Variants in ZNF662 observed in about 807,000 individuals in gnomAD.
The protein encoded by ZNF662 is zinc finger protein 662.
A neutral mutation model predicts 12.4 loss-of-function variants in ZNF662; 14 were observed. That is an observed-to-expected ratio of 1.13 (90% CI 0.75 to 1.77). ZNF662 has a LOEUF of 1.77. ZNF662 is among the 40% of genes most tolerant of loss of function. The probability of loss-of-function intolerance (pLI) is 0.00; values close to 1 mark genes in which losing one functional copy is unlikely to be tolerated. For missense variants in ZNF662, 550 were observed against 515.6 expected (o/e 1.07, Z -0.65); for synonymous variants, 184 against 176.4 (o/e 1.04, Z -0.34).
rs1021978081 is a variant in ZNF662, at chr3:42,918,760, G to A, written c.*3406G>A. Among the ~76,000 whole-genome samples the A allele has an allele frequency of 6.6e-6, 1 of 152,212 alleles. No individual in the cohort carries two copies. The highest frequency in any genetic ancestry group is 1.5e-5 in the Non-Finnish European group (1 of 68,046). ...CCTATCTAAGGGTCCCTGGTAAAAG[G>A]TGGCCATCATTTGAGGTTCCAATTG... is the stretch of plus-strand genomic sequence containing the variant. On this transcript the variant is annotated 3_prime_UTR_variant, in exon 5 of 5. Transcript: ENST00000440367.
At chr3:42,912,549 A>AAT (rs2088818960) in intron 3 of ZNF662, among the ~76,000 whole-genome samples, 1 of 8,088 alleles carries the variant, frequency 1.2e-4, no homozygotes, top group Non-Finnish European at 4.4e-4. Flanking sequence ...TTATATATTT[A>AAT]ATATAAATAT....
intron 3 of ZNF662, chr3:42,911,951 G>A (rs1276251159): frequency 2.6e-5 from 4 of 151,966 alleles, no homozygotes. Context: ...AAGTCCTCAT[G>A]AATAACTATT....
rs2088872559 is a variant in ZNF662, at chr3:42,914,351, A to G, written c.278A>G (p.Glu93Gly). Residue 93 changes from glutamate to glycine, a missense_variant, in exon 5 of 5, where the codon GAA (glutamate) becomes GGA (glycine). Transcript: ENST00000440367. The stretch of plus-strand genomic sequence containing the variant: ...GAGGGTGTGTTGAAGAGGAAGAAAG[A>G]AGATTTTATTCTGAAGGAGGAAATT... ...CPEGVLKRKKEDFILKEEIIE... is the reference protein window; with the variant it reads ...CPEGVLKRKKGDFILKEEIIE... 6.2e-7 allele frequency: 1 copy of G among 1,602,382 alleles called. No individual in the cohort carries two copies. Among genetic ancestry groups the G allele is most frequent in the Admixed American group, 1.8e-5 (1 of 57,112 alleles).
rs574140116 is a variant in ZNF662, at chr3:42,908,363, T to C, written c.34+215T>C. On this transcript the variant is annotated intron_variant, in intron 2 of 4. Coordinates refer to ENST00000440367, the MANE Select transcript of ZNF662 (RefSeq NM_207404.4). ...GACTTCCTTGCTCCAGAGTGAGAGG[T>C]GCCAAACCCCTACCCTTGTGTTGTG... is the stretch of plus-strand genomic sequence containing the variant. 72 of 1,349,044 alleles carry C rather than the reference T, an allele frequency of 5.3e-5. No homozygotes were observed. The South Asian group carries it at 1.5e-3, about 28-fold the overall frequency. 83.6% of individuals were successfully genotyped at this position (1,349,044 alleles called of 1,614,324 possible). A position where few individuals can be genotyped will look rare whatever the true frequency, so the allele number is the denominator to read the frequency against.
At chr3:42,908,659 A>C in intron 2 of ZNF662, 134 bp from the exon 3 acceptor site, 5 of 1,462,776 alleles carry the variant, frequency 3.4e-6, no homozygotes, top group Non-Finnish European at 2.7e-6. Context: ...TTCCCCTGGA[A>C]TTCCTTTTCT....
chr3:42,907,888 A>T, intron 1 of ZNF662, 134 bp from the exon 2 acceptor site: 2 of 1,398,012 alleles, frequency 1.4e-6, no homozygotes, highest in Non-Finnish European at 1.9e-6. Context: ...TCTTCTGCTG[A>T]TAGAGTTCCT....
At position 42,917,374 on chromosome 3, in the gene ZNF662, A is replaced by T; in HGVS notation, c.*2020A>T. On this transcript the variant is annotated 3_prime_UTR_variant, in exon 5 of 5. Transcript: ENST00000440367. The stretch of plus-strand genomic sequence containing the variant: ...TTCATCGAGAGCTACCAGAGGAGAT[A>T]TTATCTGTCCTCTGTGTGGCACATA... 4.8e-6 allele frequency: 3 copies of T among 619,338 alleles called. No individual in the cohort carries two copies. In the South Asian group the frequency reaches 5.9e-5, roughly 12 times the overall value. The allele number at this position is 619,338 out of a possible 1,614,324, so 38.4% of individuals were successfully genotyped here.
rs1428894080 is a variant in ZNF662 at position 42,914,997 on chromosome 3, A to C, written c.924A>C (p.Glu308Asp). 1.9e-6 allele frequency: 3 copies of C among 1,614,064 alleles called. No individual in the cohort carries two copies. Among genetic ancestry groups the C allele is most frequent in the Admixed American group, 1.7e-5 (1 of 60,014 alleles). ...GTGAGAAACCATACACATGTAAGGAATGTGGGAAAAGCTTTACTCGAAACC... is the reference window on the plus strand; with the variant it reads ...GTGAGAAACCATACACATGTAAGGACTGTGGGAAAAGCTTTACTCGAAACC... ...HTGEKPYTCK[E>D]CGKSFTRNPA... Residue 308 changes from glutamate to aspartate, a missense_variant, in exon 5 of 5, where the codon GAA (glutamate) becomes GAC (aspartate). Physicochemically the swap from Glu to Asp is conservative, Grantham distance 45. Transcript: ENST00000440367.
rs141996692 is a variant in ZNF662 at position 42,907,174 on chromosome 3, T to C, written c.-93-848T>C. Among the ~76,000 whole-genome samples, 557 of 147,968 alleles carry C rather than the reference T, an allele frequency of 3.8e-3. 6 individuals carry two copies. The highest frequency in any genetic ancestry group is 0.013 in the African/African-American group (543 of 40,584). ...GCTGGAGGTCAGCAGTATTTGTTTC[T>C]TAAGAGGATGAGAGAAAGAAGGTGC... is the stretch of plus-strand genomic sequence containing the variant. On this transcript the variant is annotated intron_variant, in intron 1 of 4. Coordinates refer to ENST00000440367, the MANE Select transcript of ZNF662 (RefSeq NM_207404.4).
chr3:42,906,355 G>C lies in ZNF662; in HGVS notation c.-94+187G>C. ...TTCCCAGAGGGCGACCTGGGCTATG[G>C]CGGCCGTGGCGCTGGCGAGCGGGAC... On this transcript the variant is annotated intron_variant, in intron 1 of 4. Coordinates refer to ENST00000440367, the MANE Select transcript of ZNF662 (RefSeq NM_207404.4). This position sits in a 1 kb window ranked among gnomAD's most constrained non-coding sequence, Gnocchi z 4.4. The C allele has an allele frequency of 2.0e-6, 3 of 1,528,756 alleles. No individual in the cohort carries two copies. Among genetic ancestry groups the C allele is most frequent in the Non-Finnish European group, 2.6e-6 (3 of 1,142,584 alleles). The allele number at this position is 1,528,756 out of a possible 1,614,324, so 94.7% of individuals were successfully genotyped here. A position where few individuals can be genotyped will look rare whatever the true frequency, so the allele number is the denominator to read the frequency against.
At position 42,919,117 on chromosome 3, in the gene ZNF662, T is replaced by C. The variant is rs1367359968; in HGVS notation, c.*3763T>C. On this transcript the variant is annotated 3_prime_UTR_variant, in exon 5 of 5. Transcript: ENST00000440367. ...CAGATTTTTACATTACTCATCCCTTTTGCTGCTTCTGAGCTGCAGCCAGAG... is the reference window on the plus strand; with the variant it reads ...CAGATTTTTACATTACTCATCCCTTCTGCTGCTTCTGAGCTGCAGCCAGAG... Among the ~76,000 whole-genome samples, 1 of 152,222 alleles carries C rather than the reference T, an allele frequency of 6.6e-6. No homozygotes were observed. Among genetic ancestry groups the C allele is most frequent in the Non-Finnish European group, 1.5e-5 (1 of 68,038 alleles).
At position 42,908,924 on chromosome 3, in the gene ZNF662, A is replaced by C. The variant is rs774994972; in HGVS notation, c.151+15A>C. The C allele has an allele frequency of 6.4e-7, 1 of 1,572,644 alleles. No individual in the cohort carries two copies. Among genetic ancestry groups the C allele is most frequent in the Non-Finnish European group, 8.7e-7 (1 of 1,145,286 alleles). On this transcript the variant is annotated intron_variant, in intron 3 of 4. Transcript: ENST00000440367. The stretch of plus-strand genomic sequence containing the variant: ...CATCTCCTCAGGTGAGTGAGGGCAC[A>C]CGTGCCGGTCATCTGACCAGTTTTC...
At chr3:42,909,851 C>T (rs567932259) in intron 3 of ZNF662, among the ~76,000 whole-genome samples, 22 of 150,506 alleles carry the variant, frequency 1.5e-4, no homozygotes, top group Non-Finnish European at 2.1e-4. Flanking sequence ...CAGGCAGAGG[C>T]GCTCTTCACA....
rs568202781 is a variant in ZNF662 at position 42,906,403 on chromosome 3, C to T, written c.-94+235C>T. 1,796 of 1,515,920 alleles carry T rather than the reference C, an allele frequency of 1.2e-3. 14 individuals are homozygous for T. Among genetic ancestry groups the T allele is most frequent in the South Asian group, 0.01 (836 of 81,712 alleles). 93.9% of individuals were successfully genotyped at this position (1,515,920 alleles called of 1,614,324 possible). On this transcript the variant is annotated intron_variant, in intron 1 of 4. Coordinates refer to ENST00000440367, the MANE Select transcript of ZNF662 (RefSeq NM_207404.4). The surrounding 1 kb of genome is among the most constrained non-coding windows in gnomAD (Gnocchi z 4.4). ...GACACGCCTCGGCCTTGTCCTCGAG[C>T]TGCTCCCGGGACAGCCCGCGCTGCC...
intron 3 of ZNF662, among the ~76,000 whole-genome samples, chr3:42,912,720 A>ATTTTTTATATATATAAATATATATTTTT: frequency 1.5e-5 from 1 of 66,410 alleles, no homozygotes; most frequent in African/African-American, 5.8e-5. Flanking sequence ...ATATATATAT[A>ATTTTTTATATATATAAATATATATTTTT]TTTTTTATAT....
In ZNF662 at chr3:42,915,210, A is replaced by C. The variant is rs776590564; in HGVS notation, c.1137A>C (p.Gln379His). 4.3e-6 allele frequency: 7 copies of C among 1,613,648 alleles called. No homozygotes were observed. The highest frequency in any genetic ancestry group is 1.3e-5 in the African/African-American group (1 of 74,768). Reference protein sequence around the residue: ...FFCKAHLIRHQRIHTGERPYK... With the variant: ...FFCKAHLIRHHRIHTGERPYK... Reference sequence around the variant, plus strand: ...GCAAGGCACATCTTATTCGACATCAAAGAATCCATACTGGGGAAAGACCCT... The same window carrying C: ...GCAAGGCACATCTTATTCGACATCACAGAATCCATACTGGGGAAAGACCCT... Residue 379 changes from glutamine (Q) to histidine (H), a missense_variant, in exon 5 of 5, where the codon CAA becomes CAC. Coordinates refer to ENST00000440367, the MANE Select transcript of ZNF662 (RefSeq NM_207404.4).
At chr3:42,909,593 G>A (rs550594091) in intron 3 of ZNF662, among the ~76,000 whole-genome samples, 96 of 152,318 alleles carry the variant, frequency 6.3e-4, no homozygotes, top group Admixed American at 9.1e-4. Flanking sequence ...CCTCCCAGAC[G>A]GGGTGGCGGC....
intron 3 of ZNF662, among the ~76,000 whole-genome samples, chr3:42,909,355 C>T (rs2088736800): frequency 1.3e-5 from 2 of 152,318 alleles, no homozygotes; most frequent in South Asian, 2.1e-4. Context: ...GGACACAGCA[C>T]ATGTTTCAGA....
rs537964739 is a variant in ZNF662 at position 42,914,347 on chromosome 3, AAAG to A, written c.279_281del (p.Glu93del). On this transcript the variant is annotated inframe_deletion, in exon 5 of 5. Coordinates refer to ENST00000440367, the MANE Select transcript of ZNF662 (RefSeq NM_207404.4). ...TTCAGAGGGTGTGTTGAAGAGGAAG[AAAG>A]AAGATTTTATTCTGAAGGAGGAAAT... is the stretch of plus-strand genomic sequence containing the variant. 9,906 of 1,604,234 alleles carry A rather than the reference AAAG, an allele frequency of 6.2e-3. 52 individuals carry two copies. The highest frequency in any genetic ancestry group is 0.01 in the Admixed American group (590 of 57,600).
Sources: allele counts gnomAD v4.1 joint callset (sites outside exome capture counted in the v4.1 genomes callset), GRCh38; gene constraint gnomAD v4.1.1; non-coding constraint Gnocchi (gnomAD v3.1); transcripts MANE v1.5; gene names NCBI Gene and HGNC (gene_info 2026-07-23, HGNC 2026-07-21).